The following CREB1 variants were observed in gnomAD, a reference collection of about 807,000 sequenced individuals.
The protein encoded by CREB1 is cAMP responsive element binding protein 1.
A neutral mutation model predicts 42.0 loss-of-function variants in CREB1; 2 were observed. That is an observed-to-expected ratio of 0.05 (90% CI 0.02 to 0.15). The LOEUF is 0.15. Ranked by LOEUF, CREB1 falls within the 10% of genes least tolerant of loss-of-function variation. The probability of loss-of-function intolerance (pLI) is 1.00; values close to 1 mark genes in which losing one functional copy is unlikely to be tolerated. For synonymous variants in CREB1, 123 were observed against 139.9 expected, an observed-to-expected ratio of 0.88 and a Z score of 0.85; for missense variants, 199 against 388.9, an observed-to-expected ratio of 0.51 and a Z score of 4.11.
chr2:207,600,606 A>AT lies in CREB1; in HGVS notation c.*3554dup, dbSNP rs537103209. ...AGATAGCTTTTTAAAGGAACCACTG[A>AT]TTTTTTCAAAAATCATCCTGGGGGA... On this transcript the variant is annotated 3_prime_UTR_variant, in exon 8 of 8. Coordinates refer to ENST00000353267, the MANE Select transcript of CREB1 (RefSeq NM_004379.5). 2.4e-5 allele frequency: 5 copies of AT among 212,302 alleles called. No homozygotes were observed. The highest frequency in any genetic ancestry group is 1.5e-3 in the Middle Eastern group (1 of 656). 13.2% of individuals were successfully genotyped at this position (212,302 alleles called of 1,614,324 possible).
At chr2:207,592,506 T>C (rs918315008) in intron 7 of CREB1, among the ~76,000 whole-genome samples, 8 of 152,204 alleles carry the variant, frequency 5.3e-5, no homozygotes, top group Admixed American at 5.2e-4. Context: ...TGCCTCTGAT[T>C]TGCAGCAATT....
At chr2:207,552,966 CATTT>C (rs1452167224) in intron 1 of CREB1, among the ~76,000 whole-genome samples, 1 of 150,538 alleles carries the variant, frequency 6.6e-6, no homozygotes, top group African/African-American at 2.4e-5. Context: ...TGAGTGTATT[CATTT>C]GTTTATTTTA....
At chr2:207,534,278 C>G (rs372836804) in intron 1 of CREB1, among the ~76,000 whole-genome samples, 77 of 152,072 alleles carry the variant, frequency 5.1e-4, no homozygotes, top group African/African-American at 1.6e-3. Flanking sequence ...GCTCTGTTGC[C>G]CAGGATGGTG....
At chr2:207,550,743 T>C (rs1316242999) in intron 1 of CREB1, 1 of 152,220 alleles carries the variant, frequency 6.6e-6, no homozygotes, top group Admixed American at 6.5e-5. Flanking sequence ...GTGCCAGAAT[T>C]TGTCCCTGAT....
chr2:207,573,699 C>G (rs145978233), intron 5 of CREB1, among the ~76,000 whole-genome samples: 1 of 152,178 alleles, frequency 6.6e-6, no homozygotes, highest in African/African-American at 2.4e-5. Context: ...TGCCACTGCA[C>G]TCCAGCCTGG....
chr2:207,551,121 T>A (rs987577667), intron 1 of CREB1, among the ~76,000 whole-genome samples: 2 of 152,228 alleles, frequency 1.3e-5, no homozygotes, highest in African/African-American at 2.4e-5. Context: ...CCAAAACTTA[T>A]CAATACTGTA....
chr2:207,599,449 TG>T lies in CREB1; in HGVS notation c.*2394del. On this transcript the variant is annotated 3_prime_UTR_variant, in exon 8 of 8. Transcript: ENST00000353267. ...TCAAAAGTTCAGGCTTTCTACTTAC[TG>T]GGAAGTTGGTGGTCCTCTTAGTCCC... 5.0e-6 allele frequency: 1 copy of T among 198,986 alleles called. No individual in the cohort carries two copies. The highest frequency in any genetic ancestry group is 1.0e-5 in the Non-Finnish European group (1 of 96,270). 12.3% of individuals were successfully genotyped at this position (198,986 alleles called of 1,614,324 possible).
At chr2:207,549,742 G>A (rs2081427691) in intron 1 of CREB1, among the ~76,000 whole-genome samples, 1 of 152,116 alleles carries the variant, frequency 6.6e-6, no homozygotes, top group South Asian at 2.1e-4. Context: ...CCAACACTTT[G>A]GGAGCCGAGG....
intron 2 of CREB1, among the ~76,000 whole-genome samples, chr2:207,558,114 T>C (rs1353465497): frequency 6.6e-6 from 1 of 152,138 alleles, no homozygotes; most frequent in Non-Finnish European, 1.5e-5. Flanking sequence ...TAAGCAAGAT[T>C]TATAGTGGCC....
At chr2:207,553,304 G>A (rs964062573) in intron 1 of CREB1, among the ~76,000 whole-genome samples, 31 of 151,906 alleles carry the variant, frequency 2.0e-4, no homozygotes, top group African/African-American at 7.5e-4. Flanking sequence ...CCTGACCTCA[G>A]GCGATCCACC....
At chr2:207,590,670 T>C (rs979436900) in intron 7 of CREB1, among the ~76,000 whole-genome samples, 8 of 152,124 alleles carry the variant, frequency 5.3e-5, no homozygotes, top group African/African-American at 1.9e-4. Context: ...ATAGTAAATA[T>C]TTCAGGCTTT....
chr2:207,536,766 G>A (rs2080889572), intron 1 of CREB1, among the ~76,000 whole-genome samples: 1 of 151,754 alleles, frequency 6.6e-6, no homozygotes, highest in African/African-American at 2.4e-5. Flanking sequence ...GAGGCGGGCG[G>A]ATCACTTGAG....
At position 207,602,370 on chromosome 2, in the gene CREB1, G is replaced by A. The variant is rs2087216043; in HGVS notation, c.*5312G>A. On this transcript the variant is annotated 3_prime_UTR_variant, in exon 8 of 8. Coordinates refer to ENST00000353267, the MANE Select transcript of CREB1 (RefSeq NM_004379.5). ...TACGGTGGGTGCAGGTCCCAGCTGG[G>A]TATGACATGATACATTTTTAATTAT... 1 of 202,374 alleles carries A rather than the reference G, an allele frequency of 4.9e-6. No homozygotes were observed. The highest frequency in any genetic ancestry group is 2.3e-5 in the African/African-American group (1 of 43,688). The allele number at this position is 202,374 out of a possible 1,614,324, so 12.5% of individuals were successfully genotyped here. A position where few individuals can be genotyped will look rare whatever the true frequency, so the allele number is the denominator to read the frequency against.
Position 207,601,716 on chromosome 2 carries a change from G to T in CREB1, c.*4658G>T, listed in dbSNP as rs185366371. 828 of 213,564 alleles carry T rather than the reference G, an allele frequency of 3.9e-3. 11 individuals are homozygous for T. Among genetic ancestry groups the T allele is most frequent in the Non-Finnish European group, 3.7e-3 (393 of 105,726 alleles). The allele number at this position is 213,564 out of a possible 1,614,324, so 13.2% of individuals were successfully genotyped here. On this transcript the variant is annotated 3_prime_UTR_variant, in exon 8 of 8. Coordinates refer to ENST00000353267, the MANE Select transcript of CREB1 (RefSeq NM_004379.5). ...TACTGAAATATGTTCATTTTTAATGGCTTTGTTAACATCAAAGAAATGCTG... is the reference window on the plus strand; with the variant it reads ...TACTGAAATATGTTCATTTTTAATGTCTTTGTTAACATCAAAGAAATGCTG...
chr2:207,551,273 C>G (rs1238925144), intron 1 of CREB1, among the ~76,000 whole-genome samples: 1 of 152,144 alleles, frequency 6.6e-6, no homozygotes, highest in Admixed American at 6.5e-5. Flanking sequence ...TTTTTAATTA[C>G]TACTGTTTTT....
At chr2:207,577,013 T>G in intron 6 of CREB1, 1 of 918,894 alleles carries the variant, frequency 1.1e-6, no homozygotes, top group Non-Finnish European at 1.3e-6. Context: ...TAGTTTTGTT[T>G]TAATTCAAAA....
chr2:207,557,589 G>A (rs1194666800), intron 2 of CREB1, among the ~76,000 whole-genome samples: 1 of 151,900 alleles, frequency 6.6e-6, no homozygotes, highest in Non-Finnish European at 1.5e-5. Flanking sequence ...GGCTGAGGCA[G>A]GAGAATGTCA....
At chr2:207,570,462 C>A in intron 5 of CREB1, 141 bp downstream of exon 5, 2 of 748,466 alleles carry the variant, frequency 2.7e-6, no homozygotes, top group South Asian at 2.4e-5. Flanking sequence ...TTCCTTTACT[C>A]TTCACTATGC....
Position 207,600,241 on chromosome 2 carries a change from A to G in CREB1, c.*3183A>G, listed in dbSNP as rs1301299595. On this transcript the variant is annotated 3_prime_UTR_variant, in exon 8 of 8. Transcript: ENST00000353267. ...GCATTTGTATAATATATGTGTACATATATATATATATATATATATATACAT... is the reference window on the plus strand; with the variant it reads ...GCATTTGTATAATATATGTGTACATGTATATATATATATATATATATACAT... The G allele has an allele frequency of 2.3e-5, 1 of 44,408 alleles. No homozygotes were observed. Among genetic ancestry groups the G allele is most frequent in the Non-Finnish European group, 4.8e-5 (1 of 21,008 alleles). The allele number at this position is 44,408 out of a possible 1,614,324, so 2.8% of individuals were successfully genotyped here.
Sources: allele counts gnomAD v4.1 joint callset (sites outside exome capture counted in the v4.1 genomes callset), GRCh38; gene constraint gnomAD v4.1.1; transcripts MANE v1.5; gene names NCBI Gene and HGNC (gene_info 2026-07-23, HGNC 2026-07-21).